The following FARP1 variants were observed in gnomAD, a reference collection of about 807,000 sequenced individuals.
FARP1 encodes FERM, ARH/RhoGEF and pleckstrin domain protein 1, also known as FERM, ARHGEF and pleckstrin domain-containing protein 1.
Under a neutral mutation model 128.8 loss-of-function variants are expected in FARP1, and 52 were observed. The observed-to-expected ratio is 0.40, with a 90% CI of 0.32 to 0.51. The LOEUF (loss-of-function observed/expected upper bound fraction) is 0.51. Among genes scored for constraint, FARP1 ranks in the 20% least tolerant of loss-of-function variants. The probability of loss-of-function intolerance (pLI) is 0.45; values close to 1 mark genes in which losing one functional copy is unlikely to be tolerated. For synonymous variants in FARP1, 580 were observed against 551.8 expected (o/e 1.05, Z -0.72); for missense variants, 1,333 against 1,367.9 (o/e 0.97, Z 0.40).
intron 2 of FARP1, among the ~76,000 whole-genome samples, chr13:98,259,085 C>T (rs1248487089): frequency 6.6e-6 from 1 of 151,904 alleles, no homozygotes; most frequent in Non-Finnish European, 1.5e-5. Context: ...GTAGGATGTG[C>T]CTATAAACAC....
intron 1 of FARP1, among the ~76,000 whole-genome samples, chr13:98,198,105 C>T (rs1218201172): frequency 6.6e-6 from 1 of 152,144 alleles, no homozygotes; most frequent in African/African-American, 2.4e-5. Flanking sequence ...CTCCTGAACT[C>T]AAGGAGGCAA....
At chr13:98,297,052 T>C (rs2139685441) in intron 2 of FARP1, among the ~76,000 whole-genome samples, 1 of 152,230 alleles carries the variant, frequency 6.6e-6, no homozygotes, top group East Asian at 1.9e-4. Context: ...ATATCACCTT[T>C]CTGTAATCTC....
At chr13:98,316,741 G>A (rs952479433) in intron 2 of FARP1, among the ~76,000 whole-genome samples, 7 of 152,182 alleles carry the variant, frequency 4.6e-5, no homozygotes, top group African/African-American at 1.7e-4. Context: ...AGATTTTGCC[G>A]AAATGAGTCT....
At chr13:98,167,624 G>T (rs1809530680) in intron 1 of FARP1, among the ~76,000 whole-genome samples, 1 of 151,784 alleles carries the variant, frequency 6.6e-6, no homozygotes. Context: ...TGGCCAGGCT[G>T]GTCGCGAACT....
chr13:98,351,564 A>G (rs1312200309), intron 3 of FARP1, among the ~76,000 whole-genome samples: 2 of 151,356 alleles, frequency 1.3e-5, no homozygotes. Flanking sequence ...GTGAGCTGAG[A>G]TCACGCCACT....
chr13:98,222,101 G>T (rs577208811), intron 2 of FARP1, among the ~76,000 whole-genome samples: 110 of 152,284 alleles, frequency 7.2e-4, no homozygotes, highest in Middle Eastern at 3.4e-3. Flanking sequence ...TCTCAAAGCT[G>T]TTAGCACTTT....
chr13:98,222,268 T>C (rs1018429365), intron 2 of FARP1, among the ~76,000 whole-genome samples: 5 of 152,200 alleles, frequency 3.3e-5, no homozygotes, highest in African/African-American at 1.2e-4. Flanking sequence ...TGTATCAACA[T>C]GGAAGGCAAG....
At chr13:98,215,505 A>G (rs1333841464) in intron 2 of FARP1, among the ~76,000 whole-genome samples, 1 of 152,218 alleles carries the variant, frequency 6.6e-6, no homozygotes, top group Non-Finnish European at 1.5e-5. Context: ...AAATGAGGCT[A>G]ATAATAAACT....
chr13:98,342,954 G>A (rs1420378461), intron 2 of FARP1, among the ~76,000 whole-genome samples: 2 of 152,020 alleles, frequency 1.3e-5, no homozygotes, highest in Admixed American at 6.6e-5. Context: ...AACCCGGGAG[G>A]TGGAGGTTGC....
intron 1 of FARP1, among the ~76,000 whole-genome samples, chr13:98,207,479 G>A (rs1026738330): frequency 6.6e-6 from 1 of 152,014 alleles, no homozygotes; most frequent in Non-Finnish European, 1.5e-5. Context: ...CTGCAGGGAG[G>A]GTCTGAGCAC....
At chr13:98,211,758 C>G (rs750372103) in intron 1 of FARP1, among the ~76,000 whole-genome samples, 3 of 152,204 alleles carry the variant, frequency 2.0e-5, no homozygotes, top group Non-Finnish European at 4.4e-5. Flanking sequence ...TTAACCACTT[C>G]ATCTCACCTG....
rs374601353 is a variant in FARP1, at chr13:98,340,026, C to A, written c.172-3736C>A. Among the ~76,000 whole-genome samples, 15 of 151,944 alleles carry A rather than the reference C, an allele frequency of 9.9e-5. 1 individual carries two copies. In the East Asian group the frequency reaches 1.7e-3, roughly 18 times the overall value. On this transcript the variant is annotated intron_variant, in intron 2 of 26. Coordinates refer to ENST00000319562, the MANE Select transcript of FARP1 (RefSeq NM_005766.4). Reference sequence around the variant, plus strand: ...TAGATGTTAACTCTCCCCCTCCCCTCTTCTAAAGCGCTCAGTTTAACACCA... The same window carrying A: ...TAGATGTTAACTCTCCCCCTCCCCTATTCTAAAGCGCTCAGTTTAACACCA...
In FARP1 at chr13:98,153,297, A is replaced by AATATATATTTATATATAAATATATAAAT. The variant is rs375607675; in HGVS notation, c.-24+9811_-24+9812insATTTATATATAAATATATAAATATATAT. Reference sequence around the variant, plus strand: ...TTTATATATATATAAAATATATATAAATATATTTATATATAAAATATATAA... The same window carrying AATATATATTTATATATAAATATATAAAT: ...TTTATATATATATAAAATATATATAAATATATATTTATATATAAATATATAAATATATATTTATATATAAAATATATAA... On this transcript the variant is annotated intron_variant, in intron 1 of 26. Coordinates refer to ENST00000319562, the MANE Select transcript of FARP1 (RefSeq NM_005766.4). Among the ~76,000 whole-genome samples the AATATATATTTATATATAAATATATAAAT allele has an allele frequency of 3.8e-4, 44 of 115,000 alleles. 1 individual carries two copies. Among genetic ancestry groups the AATATATATTTATATATAAATATATAAAT allele is most frequent in the East Asian group, 8.6e-4 (3 of 3,484 alleles). 75.4% of individuals were successfully genotyped at this position (115,000 alleles called of 152,430 possible). A position where few individuals can be genotyped will look rare whatever the true frequency, so the allele number is the denominator to read the frequency against.
At chr13:98,381,353 A>T (rs1889881293) in intron 6 of FARP1, among the ~76,000 whole-genome samples, 1 of 152,188 alleles carries the variant, frequency 6.6e-6, no homozygotes, top group Non-Finnish European at 1.5e-5. Context: ...ATGGAAAATT[A>T]TCTCTGGTAA....
At chr13:98,444,979 T>G (rs1892731613) in intron 24 of FARP1, among the ~76,000 whole-genome samples, 1 of 152,186 alleles carries the variant, frequency 6.6e-6, no homozygotes, top group Non-Finnish European at 1.5e-5. Flanking sequence ...TGGCTGGAGC[T>G]GCCTGCCTGG....
intron 18 of FARP1, chr13:98,431,509 T>G: frequency 2.4e-6 from 1 of 408,716 alleles, no homozygotes; most frequent in South Asian, 3.2e-5. Flanking sequence ...TCGCCCAGGC[T>G]GGAGTGCAAT....
intron 1 of FARP1, among the ~76,000 whole-genome samples, chr13:98,164,741 A>T (rs1337685748): frequency 6.6e-6 from 1 of 152,164 alleles, no homozygotes; most frequent in East Asian, 1.9e-4. Context: ...AAGATCTCCA[A>T]AATAGAGCCA....
intron 2 of FARP1, among the ~76,000 whole-genome samples, chr13:98,292,085 T>C (rs1885475958): frequency 6.6e-6 from 1 of 152,248 alleles, no homozygotes; most frequent in Admixed American, 6.5e-5. Flanking sequence ...GTTTTTCTGT[T>C]GACATTTCCT....
intron 1 of FARP1, among the ~76,000 whole-genome samples, chr13:98,151,447 G>A (rs9517197): frequency 0.16 from 23,928 of 151,968 alleles, 2,377 homozygotes; most frequent in Middle Eastern, 0.25. Flanking sequence ...GGGCCAAAGA[G>A]CAAGTATTGT....
Sources: allele counts gnomAD v4.1 joint callset (sites outside exome capture counted in the v4.1 genomes callset), GRCh38; gene constraint gnomAD v4.1.1; transcripts MANE v1.5; gene names NCBI Gene and HGNC (gene_info 2026-07-23, HGNC 2026-07-21).